APC: variants seen among roughly 807,000 people sequenced by gnomAD.
APC encodes APC regulator of Wnt signaling pathway.
Under a neutral mutation model 247.0 loss-of-function variants are expected in APC, and 72 were observed. That is an observed-to-expected ratio of 0.29 (90% confidence interval 0.24 to 0.35). The LOEUF (loss-of-function observed/expected upper bound fraction) is 0.35. Ranked by LOEUF, APC falls within the 10% of genes least tolerant of loss-of-function variation. APC has a pLI of 1.00. For synonymous variants in APC, 1,254 were observed against 1,162.5 expected (o/e 1.08, Z -1.60); for missense variants, 3,400 against 3,360.7 (o/e 1.01, Z -0.29).
intron 6 of APC, among the ~76,000 whole-genome samples, chr5:112,792,126 G>A (rs1759680479): frequency 3.3e-5 from 5 of 152,048 alleles, no homozygotes; most frequent in Admixed American, 2.6e-4. Flanking sequence ...CGCGCCTGTA[G>A]TCCCAGCTAC....
At chr5:112,746,553 A>T (rs1166377228) in intron 1 of APC, among the ~76,000 whole-genome samples, 1 of 152,204 alleles carries the variant, frequency 6.6e-6, no homozygotes, top group Non-Finnish European at 1.5e-5. Flanking sequence ...ATAGGTCAAC[A>T]TTCAAAAATC....
chr5:112,741,255 T>G (rs1460877909), intron 1 of APC, among the ~76,000 whole-genome samples: 1 of 152,194 alleles, frequency 6.6e-6, no homozygotes, highest in Non-Finnish European at 1.5e-5. Flanking sequence ...ATTTAAAGAT[T>G]TATATAATCT....
At chr5:112,824,644 A>G (rs1763461644) in intron 11 of APC, among the ~76,000 whole-genome samples, 2 of 152,144 alleles carry the variant, frequency 1.3e-5, no homozygotes, top group African/African-American at 2.4e-5. Flanking sequence ...AAAGTATCCC[A>G]GTTATTGTCA....
In APC at chr5:112,774,306, A is replaced by G. The variant is rs79801520; in HGVS notation, c.423-1323A>G. On this transcript the variant is annotated intron_variant, in intron 4 of 15. Transcript: ENST00000257430. The stretch of plus-strand genomic sequence containing the variant: ...CAAAATCCTAAAGTTTTTGAGTAAC[A>G]TGATGCTCAAAGGAAATGCTAATTA... Among the ~76,000 whole-genome samples, 1,676 of 152,254 alleles carry G rather than the reference A, an allele frequency of 0.011. 68 individuals are homozygous for G. The highest frequency in any genetic ancestry group is 0.075 in the Admixed American group (1,142 of 15,288).
chr5:112,790,004 C>T (rs765834643), intron 6 of APC, among the ~76,000 whole-genome samples: 8 of 152,024 alleles, frequency 5.3e-5, no homozygotes, highest in Non-Finnish European at 7.4e-5. Flanking sequence ...GGACTACAGG[C>T]GTATGCCCTC....
intron 1 of APC, among the ~76,000 whole-genome samples, chr5:112,724,020 T>C (rs555322987): frequency 7.9e-5 from 12 of 152,264 alleles, no homozygotes; most frequent in Admixed American, 1.3e-4. Context: ...ATCTGGGGAA[T>C]AGTCTGATCT....
intron 6 of APC, among the ~76,000 whole-genome samples, chr5:112,784,490 A>C (rs1019336770): frequency 1.3e-5 from 2 of 152,224 alleles, no homozygotes; most frequent in African/African-American, 4.8e-5. Flanking sequence ...GACTTCTAGG[A>C]ATATGTTGCG....
intron 1 of APC, among the ~76,000 whole-genome samples, chr5:112,716,151 G>C (rs971136932): frequency 1.3e-5 from 2 of 151,792 alleles, no homozygotes; most frequent in Non-Finnish European, 2.9e-5. Flanking sequence ...GGGGTTCTTC[G>C]GTGAAGTTCT....
At chr5:112,730,263 A>G (rs1752034622) in intron 1 of APC, among the ~76,000 whole-genome samples, 1 of 152,206 alleles carries the variant, frequency 6.6e-6, no homozygotes, top group Non-Finnish European at 1.5e-5. Flanking sequence ...AGAGCCAGCT[A>G]CTATATAGTA....
chr5:112,843,009 C>T lies in APC; in HGVS notation c.7415C>T (p.Ala2472Val), dbSNP rs200399245. 58 of 1,614,038 alleles carry T rather than the reference C, an allele frequency of 3.6e-5. No individual in the cohort carries two copies. The Admixed American group carries it at 5.0e-4, about 14-fold the overall frequency. The stretch of plus-strand genomic sequence containing the variant: ...TCTCTTTCTCCATCATCTAGACCAG[C>T]TTCTCCCACTAGGTCCCAGGCACAA... ...FESLSPSSRPASPTRSQAQTP... is the reference protein window; with the variant it reads ...FESLSPSSRPVSPTRSQAQTP... The change falls in exon 16 of 16, where the codon GCT (alanine) becomes GTT (valine). Residue 2472 changes from alanine (A) to valine (V), a missense_variant. Coordinates refer to ENST00000257430, the MANE Select transcript of APC (RefSeq NM_000038.6). The surrounding 1 kb of genome is among the most constrained non-coding windows in gnomAD (Gnocchi z 4.8).
At chr5:112,751,621 C>T (rs1409751024) in intron 1 of APC, among the ~76,000 whole-genome samples, 2 of 151,714 alleles carry the variant, frequency 1.3e-5, no homozygotes, top group African/African-American at 4.8e-5. Context: ...GGTTTCTCTC[C>T]CCTATAAATG....
At position 112,843,117 on chromosome 5, in the gene APC, C is replaced by T; in HGVS notation, c.7523C>T (p.Pro2508Leu). The change falls in exon 16 of 16, where the codon CCA (proline) becomes CTA (leucine). Residue 2508 changes from proline (P) to leucine (L), a missense_variant. Transcript: ENST00000257430. The surrounding 1 kb of genome is among the most constrained non-coding windows in gnomAD (Gnocchi z 4.8). ...CAGGCTGGTGGATGGCGAAAACTCC[C>T]ACCTAATCTCAGTCCCACTATAGAG... is the stretch of plus-strand genomic sequence containing the variant. ...SVQAGGWRKLPPNLSPTIEYN... is the reference protein window; with the variant it reads ...SVQAGGWRKLLPNLSPTIEYN... 1.2e-6 allele frequency: 2 copies of T among 1,614,018 alleles called. No individual in the cohort carries two copies. Among genetic ancestry groups the T allele is most frequent in the South Asian group, 1.1e-5 (1 of 91,080 alleles).
In APC at chr5:112,846,160, A is replaced by C. The variant is rs1268041443; in HGVS notation, c.*2034A>C. On this transcript the variant is annotated 3_prime_UTR_variant, in exon 16 of 16. Coordinates refer to ENST00000257430, the MANE Select transcript of APC (RefSeq NM_000038.6). ...ATGATTGACCTTTAAATTTTTGCCA[A>C]ATGTTATCTGAAATTGTCTATGAAT... is the stretch of plus-strand genomic sequence containing the variant. 4.3e-6 allele frequency: 1 copy of C among 232,106 alleles called. No individual in the cohort carries two copies. Among genetic ancestry groups the C allele is most frequent in the Non-Finnish European group, 8.5e-6 (1 of 117,436 alleles). 14.4% of individuals were successfully genotyped at this position (232,106 alleles called of 1,614,324 possible).
At position 112,838,275 on chromosome 5, in the gene APC, T is replaced by C; in HGVS notation, c.2681T>C (p.Val894Ala). The change falls in exon 16 of 16, where the codon GTG (valine) becomes GCG (alanine). Residue 894 changes from valine (V) to alanine (A), a missense_variant. Transcript: ENST00000257430. The stretch of plus-strand genomic sequence containing the variant: ...CAGATTGCCAAAGTCATGGAAGAAG[T>C]GTCAGCCATTCATACCTCTCAGGAA... The part of the protein sequence containing the change: ...AAQIAKVMEE[V>A]SAIHTSQEDR... 6.2e-7 allele frequency: 1 copy of C among 1,614,204 alleles called. No individual in the cohort carries two copies. Among genetic ancestry groups the C allele is most frequent in the Non-Finnish European group, 8.5e-7 (1 of 1,180,034 alleles).
rs1343192266 is a variant in APC at position 112,840,288 on chromosome 5, A to G, written c.4694A>G (p.Asp1565Gly). The change falls in exon 16 of 16, where the codon GAT becomes GGT. Residue 1565 changes from aspartate (D) to glycine (G), a missense_variant. By Grantham distance (94) the Asp-to-Gly change is moderately conservative. This residue lies in a region of APC where 1,788 missense variants were observed against 1,649.5 expected (regional missense o/e 1.08). Transcript: ENST00000257430. This position sits in a 1 kb window ranked among gnomAD's most constrained non-coding sequence, Gnocchi z 4.1. The stretch of plus-strand genomic sequence containing the variant: ...ATTGATTCTGAAAAGGACCTATTAG[A>G]TGATTCAGATGATGATGATATTGAA... ...KTIDSEKDLL[D>G]DSDDDDIEIL... 2.5e-6 allele frequency: 4 copies of G among 1,614,058 alleles called. No homozygotes were observed. The African/African-American group carries it at 5.3e-5, about 22-fold the overall frequency.
At chr5:112,734,423 C>T (rs1752261444), upstream of APC, among the ~76,000 whole-genome samples, 1 of 152,080 alleles carries the variant, frequency 6.6e-6, no homozygotes, top group South Asian at 2.1e-4. Context: ...CTATAAGATC[C>T]GAACACTGAA....
chr5:112,815,062 C>T (rs1462134630), intron 8 of APC, among the ~76,000 whole-genome samples: 1 of 152,172 alleles, frequency 6.6e-6, no homozygotes, highest in Non-Finnish European at 1.5e-5. Flanking sequence ...AAGTTTTAAA[C>T]AGCCCTTTCT....
intron 14 of APC, among the ~76,000 whole-genome samples, chr5:112,834,238 C>CTTTT (rs963878310): frequency 1.6e-5 from 2 of 126,592 alleles, no homozygotes; most frequent in Non-Finnish European, 3.2e-5. Flanking sequence ...CACGTTGCGC[C>CTTTT]TTTTTTTTTT....
Position 112,839,045 on chromosome 5 carries a change from G to C in APC, c.3451G>C (p.Glu1151Gln), listed in dbSNP as rs1554085013. 2.5e-6 allele frequency: 4 copies of C among 1,614,014 alleles called. No homozygotes were observed. The highest frequency in any genetic ancestry group is 3.4e-6 in the Non-Finnish European group (4 of 1,180,020). Residue 1151 changes from glutamate (E) to glutamine (Q), a missense_variant, in exon 16 of 16, where the codon GAA (glutamate) becomes CAA (glutamine). By Grantham distance (29) the Glu-to-Gln change is conservative. Coordinates refer to ENST00000257430, the MANE Select transcript of APC (RefSeq NM_000038.6). The surrounding 1 kb of genome is among the most constrained non-coding windows in gnomAD (Gnocchi z 5.0). Reference sequence around the variant, plus strand: ...TTATAGTGAACGTTACTCTGAAGAAGAACAGCATGAAGAAGAAGAGAGACC... The same window carrying C: ...TTATAGTGAACGTTACTCTGAAGAACAACAGCATGAAGAAGAAGAGAGACC... ...TNYSERYSEEEQHEEEERPTN... is the reference protein window; with the variant it reads ...TNYSERYSEEQQHEEEERPTN...
Sources: allele counts gnomAD v4.1 joint callset (sites outside exome capture counted in the v4.1 genomes callset), GRCh38; gene constraint gnomAD v4.1.1; regional missense constraint gnomAD v4.1.1; non-coding constraint Gnocchi (gnomAD v3.1); transcripts MANE v1.5; gene names NCBI Gene and HGNC (gene_info 2026-07-23, HGNC 2026-07-21).